The following LRGUK variants were observed in gnomAD, a reference collection of about 807,000 sequenced individuals.
LRGUK encodes the protein leucine-rich repeat and guanylate kinase domain-containing protein.
A neutral mutation model predicts 76.0 loss-of-function variants in LRGUK; 65 were observed. That is an observed-to-expected ratio of 0.85 (90% CI 0.70 to 1.05). LRGUK has a LOEUF of 1.05. Among genes scored for constraint, LRGUK ranks in the 50% least tolerant of loss-of-function variants. The pLI is 0.00. For synonymous variants in LRGUK, 268 were observed against 265.6 expected, an observed-to-expected ratio of 1.01 and a Z score of -0.09; for missense variants, 758 against 732.8, an observed-to-expected ratio of 1.03 and a Z score of -0.40.
In LRGUK at chr7:134,163,269, G is replaced by T. The variant is rs976149651; in HGVS notation, c.796-128G>T. 4 of 728,982 alleles carry T rather than the reference G, an allele frequency of 5.5e-6. No individual in the cohort carries two copies. In the African/African-American group the frequency reaches 6.9e-5, roughly 13 times the overall value. The allele number at this position is 728,982 out of a possible 1,614,324, so 45.2% of individuals were successfully genotyped here. A position where few individuals can be genotyped will look rare whatever the true frequency, so the allele number is the denominator to read the frequency against. On this transcript the variant is annotated intron_variant, in intron 6 of 15. Coordinates refer to ENST00000645682, the Ensembl canonical transcript of LRGUK. ...GGTGAATGATGGAAATGGGATGGAG[G>T]GAAGGACAAGAATGCCTTCTTGATT...
intron 6 of LRGUK, among the ~76,000 whole-genome samples, chr7:134,159,200 G>T (rs763953792): frequency 2.0e-5 from 3 of 151,872 alleles, no homozygotes; most frequent in Non-Finnish European, 2.9e-5. Flanking sequence ...GCTGGGCATG[G>T]TGGCACAAGC....
chr7:134,263,378 C>G (rs1585613551), intron 19 of LRGUK, among the ~76,000 whole-genome samples: 2 of 81,138 alleles, frequency 2.5e-5, no homozygotes, highest in East Asian at 4.6e-4. Flanking sequence ...TTAAATGAAG[C>G]TTCTATAGGA....
At chr7:134,176,084 G>T (rs1248953428) in intron 8 of LRGUK, among the ~76,000 whole-genome samples, 1 of 152,080 alleles carries the variant, frequency 6.6e-6, no homozygotes, top group Non-Finnish European at 1.5e-5. Context: ...TTAGAAATGA[G>T]GATAATCTGG....
At chr7:134,270,366 CTT>C in the LRGUK span, among the ~76,000 whole-genome samples, 8 of 152,212 alleles carry the variant, frequency 5.3e-5, no homozygotes, top group Non-Finnish European at 4.4e-5. Flanking sequence ...AGGCACAAGA[CTT>C]ATATCTTACA....
intron 1 of LRGUK, among the ~76,000 whole-genome samples, chr7:134,136,468 G>C (rs1404284440): frequency 6.6e-6 from 1 of 152,154 alleles, no homozygotes; most frequent in African/African-American, 2.4e-5. Flanking sequence ...CATCCTTTGG[G>C]GTGTGGGCAA....
chr7:134,161,688 CT>C (rs57550981), intron 6 of LRGUK, among the ~76,000 whole-genome samples: 55,008 of 105,000 alleles, frequency 0.52, 11,577 homozygotes, highest in African/African-American at 0.58. Flanking sequence ...TATTGTTATT[CT>C]TTTTTTTTTT....
At chr7:134,202,075 G>A (rs979145284) in intron 15 of LRGUK, among the ~76,000 whole-genome samples, 16 of 152,176 alleles carry the variant, frequency 1.1e-4, no homozygotes, top group African/African-American at 2.9e-4. Context: ...GAGCTCCTTC[G>A]CTGTTCGGAG....
In LRGUK at chr7:134,199,331, G is replaced by A. The variant is rs1800651089; in HGVS notation, c.1657G>A (p.Ala553Thr). 6.2e-7 allele frequency: 1 copy of A among 1,613,780 alleles called. No individual in the cohort carries two copies. Among genetic ancestry groups the A allele is most frequent in the Non-Finnish European group, 8.5e-7 (1 of 1,179,830 alleles). Residue 553 changes from alanine to threonine, a missense_variant, in exon 14 of 16, where the codon GCA becomes ACA. Transcript: ENST00000645682. Reference sequence around the variant, plus strand: ...GCGGAGAAAAGGATTATTCAGTCGTGCAGAAATTGAATTTGCTGTCTCCAG... The same window carrying A: ...GCGGAGAAAAGGATTATTCAGTCGTACAGAAATTGAATTTGCTGTCTCCAG...
downstream of LRGUK, among the ~76,000 whole-genome samples, chr7:134,214,775 AACACACACACACACACAC>A (rs56096728): frequency 9.5e-5 from 14 of 146,852 alleles, no homozygotes; most frequent in South Asian, 1.6e-3. Flanking sequence ...ATTAAATTTA[AACACACACACACACACAC>A]ACACACACAC....
At chr7:134,258,785 C>G (rs896921295) in intron 19 of LRGUK, among the ~76,000 whole-genome samples, 1 of 151,862 alleles carries the variant, frequency 6.6e-6, no homozygotes, top group Non-Finnish European at 1.5e-5. Flanking sequence ...TTCCTACTGT[C>G]TTTTTATTGA....
intron 5 of LRGUK, among the ~76,000 whole-genome samples, chr7:134,152,305 A>T (rs1404739811): frequency 6.6e-6 from 1 of 152,080 alleles, no homozygotes; most frequent in Non-Finnish European, 1.5e-5. Context: ...AACAAATTTT[A>T]TTAAAGATGA....
At chr7:134,227,053 T>C (rs1254645475) in intron 16 of LRGUK, among the ~76,000 whole-genome samples, 1 of 152,012 alleles carries the variant, frequency 6.6e-6, no homozygotes, top group African/African-American at 2.4e-5. Context: ...ATTAAAAAAA[T>C]ATCTACTTGA....
chr7:134,132,102 C>T (rs1797333930), intron 1 of LRGUK, among the ~76,000 whole-genome samples: 1 of 152,160 alleles, frequency 6.6e-6, no homozygotes, highest in Non-Finnish European at 1.5e-5. Context: ...AATCCTGACA[C>T]TTTGGGAGCC....
intron 18 of LRGUK, among the ~76,000 whole-genome samples, chr7:134,253,897 T>A (rs1802508086): frequency 6.6e-6 from 1 of 152,116 alleles, no homozygotes; most frequent in South Asian, 2.1e-4. Context: ...TGAGAAAAAG[T>A]TTGTCTAGGT....
intron 1 of LRGUK, among the ~76,000 whole-genome samples, chr7:134,129,677 A>G (rs1051981270): frequency 4.0e-5 from 6 of 151,146 alleles, no homozygotes; most frequent in African/African-American, 1.5e-4. Flanking sequence ...GCCTTGCCAT[A>G]TTGCCTAGGC....
intron 14 of LRGUK, 65 bp downstream of exon 14, chr7:134,199,486 A>G: frequency 2.8e-6 from 4 of 1,420,022 alleles, no homozygotes; most frequent in Non-Finnish European, 3.9e-6. Flanking sequence ...AGTTTGTTTC[A>G]TGGGGATAAA....
At chr7:134,205,739 A>G (rs1356058510) in intron 15 of LRGUK, among the ~76,000 whole-genome samples, 1 of 152,160 alleles carries the variant, frequency 6.6e-6, no homozygotes, top group Non-Finnish European at 1.5e-5. Context: ...TTCGAGAAGT[A>G]ATTTTGAGCT....
chr7:134,202,391 G>A (rs1800810806), intron 15 of LRGUK, among the ~76,000 whole-genome samples: 1 of 152,062 alleles, frequency 6.6e-6, no homozygotes, highest in African/African-American at 2.4e-5. Flanking sequence ...GCTATTGGCA[G>A]GAGTGTAAAA....
At position 134,209,954 on chromosome 7, in the gene LRGUK, ACT is replaced by A; in HGVS notation, c.3093_3094del (p.Gln1032AlafsTer2). 2.5e-6 allele frequency: 1 copy of A among 399,216 alleles called. No individual in the cohort carries two copies. The highest frequency in any genetic ancestry group is 4.4e-6 in the Non-Finnish European group (1 of 226,344). The allele number at this position is 399,216 out of a possible 1,614,324, so 24.7% of individuals were successfully genotyped here. Reference sequence around the variant, plus strand: ...GCCAGGGCTGCCCCAGAACTCGGGGACTCAGCCTGATCCAAGGCCTGCAAAGG... The same window carrying A: ...GCCAGGGCTGCCCCAGAACTCGGGGACAGCCTGATCCAAGGCCTGCAAAGG... On this transcript the variant is annotated frameshift_variant, in exon 16 of 16. Transcript: ENST00000645682. LOFTEE classifies it low-confidence loss of function (END_TRUNC).
Sources: gnomAD v4.1 joint callset for allele counts (sites outside exome capture counted in the v4.1 genomes callset) on GRCh38, gnomAD v4.1.1 for gene constraint, MANE v1.5 for transcripts, NCBI Gene and HGNC (gene_info 2026-07-23, HGNC 2026-07-21) for gene names.